The following SLC15A1 variants were observed in gnomAD, a reference collection of about 807,000 sequenced individuals.
SLC15A1 encodes Caco-2 oligopeptide transporter.
SLC15A1 carries 83 observed loss-of-function variants against 92.9 expected under a neutral mutation model. The ratio of observed to expected loss-of-function variants is 0.89; its 90% CI spans 0.75 to 1.07. SLC15A1 has a LOEUF of 1.07. Among genes scored for constraint, SLC15A1 ranks in the 50% least tolerant of loss-of-function variants. The pLI, the probability that SLC15A1 is intolerant of heterozygous loss-of-function variation, is 0.00. For missense variants in SLC15A1, 857 were observed against 880.1 expected, an observed-to-expected ratio of 0.97 and a Z score of 0.33; for synonymous variants, 322 against 318.2, an observed-to-expected ratio of 1.01 and a Z score of -0.13.
chr13:98,685,984 CAA>C (rs869045159), intron 22 of SLC15A1, among the ~76,000 whole-genome samples: 13 of 103,232 alleles, frequency 1.3e-4, no homozygotes, highest in Admixed American at 2.1e-4. Context: ...GACTCCGTCT[CAA>C]AAAAAAAAAA....
At chr13:98,718,339 A>G (rs2088228072) in intron 8 of SLC15A1, among the ~76,000 whole-genome samples, 1 of 63,178 alleles carries the variant, frequency 1.6e-5, no homozygotes, top group African/African-American at 9.0e-5. Context: ...TTTTTTTTTG[A>G]GACAGGGTCT....
chr13:98,685,772 G>A (rs933404559), intron 22 of SLC15A1, among the ~76,000 whole-genome samples: 25 of 152,256 alleles, frequency 1.6e-4, no homozygotes, highest in African/African-American at 6.0e-4. Flanking sequence ...CAGATAGCGA[G>A]GTCAAGAGAT....
intron 18 of SLC15A1, among the ~76,000 whole-genome samples, chr13:98,693,183 C>T (rs1312612471): frequency 2.7e-5 from 4 of 149,626 alleles, no homozygotes; most frequent in Non-Finnish European, 4.4e-5. Context: ...CTGCAACCTC[C>T]GCCTCCCGGG....
At chr13:98,721,420 G>C (rs765124945) in intron 7 of SLC15A1, 75 bp downstream of exon 7, 1 of 1,027,974 alleles carries the variant, frequency 9.7e-7, no homozygotes, top group East Asian at 2.5e-5. Context: ...GGGAAGAACA[G>C]AACAAAACGA....
rs1264853066 is a variant in SLC15A1, at chr13:98,723,918, A to G, written c.359T>C (p.Val120Ala). The G allele has an allele frequency of 6.2e-7, 1 of 1,614,054 alleles. No individual in the cohort carries two copies. Among genetic ancestry groups the G allele is most frequent in the South Asian group, 1.1e-5 (1 of 91,076 alleles). The change falls in exon 5 of 23, where the codon GTG (valine) becomes GCG (alanine). Residue 120 changes from valine to alanine, a missense_variant. By Grantham distance (64) the Val-to-Ala change is moderately conservative. Coordinates refer to ENST00000376503, the MANE Select transcript of SLC15A1 (RefSeq NM_005073.4). ...GCAGTGAGCACCAACTCACACGTGC[A>G]CAGGAAGGCTGTCGGGGGTGCCATC... ...NHDGTPDSLPVHVVLSLIGLA... is the reference protein window; with the variant it reads ...NHDGTPDSLPAHVVLSLIGLA...
At chr13:98,698,506 T>C (rs1210984887) in intron 18 of SLC15A1, among the ~76,000 whole-genome samples, 2 of 152,202 alleles carry the variant, frequency 1.3e-5, no homozygotes, top group Non-Finnish European at 2.9e-5. Context: ...TGGCAAAACC[T>C]TGGCTCACTG....
chr13:98,721,592 T>C lies in SLC15A1; in HGVS notation c.466-7A>G, dbSNP rs1369565818. ...ATCTGTTTCTTTGTTTCTCCTGCAA[T>C]GAAAAGGAGAAAGTAAGATGACTTT... On this transcript the variant is annotated splice_region_variant and splice_polypyrimidine_tract_variant and intron_variant, in intron 6 of 22. Coordinates refer to ENST00000376503, the MANE Select transcript of SLC15A1 (RefSeq NM_005073.4). The C allele has an allele frequency of 6.3e-7, 1 of 1,579,286 alleles. No homozygotes were observed.
chr13:98,698,499 C>A (rs1358861952), intron 18 of SLC15A1, among the ~76,000 whole-genome samples: 1 of 152,162 alleles, frequency 6.6e-6, no homozygotes, highest in Non-Finnish European at 1.5e-5. Context: ...AGTGCAGTGG[C>A]AAAACCTTGG....
chr13:98,752,006 C>T (rs1162028737), intron 1 of SLC15A1, among the ~76,000 whole-genome samples: 1 of 152,206 alleles, frequency 6.6e-6, no homozygotes, highest in African/African-American at 2.4e-5. Flanking sequence ...GTCAAGTTGC[C>T]TCCTAGCTGT....
At position 98,709,639 on chromosome 13, in the gene SLC15A1, C is replaced by T. The variant is rs770486047; in HGVS notation, c.1000G>A (p.Val334Met). 71 of 1,614,046 alleles carry T rather than the reference C, an allele frequency of 4.4e-5. No individual in the cohort carries two copies. Among genetic ancestry groups the T allele is most frequent in the Non-Finnish European group, 5.4e-5 (64 of 1,180,046 alleles). ...GCATCGAAGATCGGGACCATGATCACGATCAGGATGGCGTTCACGGTCTGC... is the reference window on the plus strand; with the variant it reads ...GCATCGAAGATCGGGACCATGATCATGATCAGGATGGCGTTCACGGTCTGC... ...QMQTVNAILI[V>M]IMVPIFDAVL... is the part of the protein sequence containing the mutation. Residue 334 changes from valine (V) to methionine (M), a missense_variant, in exon 14 of 23, where the codon GTG becomes ATG. Physicochemically the swap from Val to Met is conservative, Grantham distance 21. Coordinates refer to ENST00000376503, the MANE Select transcript of SLC15A1 (RefSeq NM_005073.4).
rs545129150 is a variant in SLC15A1, at chr13:98,696,139, C to T, written c.1466+6341G>A. 3.1e-3 allele frequency among the ~76,000 whole-genome samples: 465 copies of T among 151,730 alleles called. 2 individuals are homozygous for T. Among genetic ancestry groups the T allele is most frequent in the Admixed American group, 7.8e-3 (119 of 15,174 alleles). Reference sequence around the variant, plus strand: ...TTTTAAATGGAGCTTTGGGACTGGGCACGGTGGCTCGCAACTGTAATCCCA... The same window carrying T: ...TTTTAAATGGAGCTTTGGGACTGGGTACGGTGGCTCGCAACTGTAATCCCA... On this transcript the variant is annotated intron_variant, in intron 18 of 22. Coordinates refer to ENST00000376503, the MANE Select transcript of SLC15A1 (RefSeq NM_005073.4).
At chr13:98,723,448 A>T (rs2088275370) in intron 5 of SLC15A1, among the ~76,000 whole-genome samples, 3 of 152,372 alleles carry the variant, frequency 2.0e-5, no homozygotes, top group Middle Eastern at 3.4e-3. Context: ...GCATTTATCA[A>T]TAACACCTGC....
intron 18 of SLC15A1, among the ~76,000 whole-genome samples, chr13:98,696,211 C>T (rs148437271): frequency 0.011 from 1,677 of 148,496 alleles, 30 homozygotes; most frequent in African/African-American, 0.039. Flanking sequence ...GTCAGGAGTT[C>T]GAGACCAGCC....
In SLC15A1 at chr13:98,724,012, T is replaced by A. The variant is rs759732618; in HGVS notation, c.265A>T (p.Ile89Phe). 6.2e-7 allele frequency: 1 copy of A among 1,614,002 alleles called. No individual in the cohort carries two copies. The highest frequency in any genetic ancestry group is 8.5e-7 in the Non-Finnish European group (1 of 1,179,984). Residue 89 changes from isoleucine to phenylalanine, a missense_variant, in exon 5 of 23, where the codon ATT (isoleucine) becomes TTT (phenylalanine). Transcript: ENST00000376503. ...GKFKTIVSLS[I>F]VYTIGQAVTS... ...ACTGCTTGTCCAATTGTGTAGACAA[T>A]GGAGAGCGACACAATGGTCCTGTGT...
intron 2 of SLC15A1, 81 bp downstream of exon 2, chr13:98,726,762 A>G: frequency 7.6e-7 from 1 of 1,320,836 alleles, no homozygotes; most frequent in Non-Finnish European, 1.1e-6. Flanking sequence ...CAGATCTGTT[A>G]GGTGAATGAA....
At chr13:98,722,441 T>C (rs2088268130) in intron 5 of SLC15A1, among the ~76,000 whole-genome samples, 1 of 151,970 alleles carries the variant, frequency 6.6e-6, no homozygotes, top group Admixed American at 6.6e-5. Flanking sequence ...TAATTTACTC[T>C]TGTATTTTCT....
intron 1 of SLC15A1, 23 bp downstream of exon 1, chr13:98,752,572 G>A: frequency 1.6e-6 from 2 of 1,261,520 alleles, no homozygotes; most frequent in Admixed American, 4.1e-5. Flanking sequence ...TAGCCCGGCC[G>A]GCCCCCCACC....
rs550467527 is a variant in SLC15A1, at chr13:98,726,355, C to T, written c.103+13G>A. On this transcript the variant is annotated intron_variant, in intron 3 of 22. Transcript: ENST00000376503. The stretch of plus-strand genomic sequence containing the variant: ...CTCTTCCCTGAAGGGTGAGAAACGG[C>T]CAATACAGTTACCTCGCATTCCATA... The T allele has an allele frequency of 5.6e-6, 9 of 1,614,100 alleles. No individual in the cohort carries two copies. In the East Asian group the frequency reaches 1.8e-4, roughly 32 times the overall value.
intron 18 of SLC15A1, among the ~76,000 whole-genome samples, chr13:98,689,232 G>A (rs578182312): frequency 2.6e-5 from 4 of 152,196 alleles, no homozygotes; most frequent in South Asian, 4.2e-4. Context: ...GAGCCACTGC[G>A]CCTGGCCAGA....
Sources: gnomAD v4.1 joint callset for allele counts (sites outside exome capture counted in the v4.1 genomes callset) on GRCh38, gnomAD v4.1.1 for gene constraint, MANE v1.5 for transcripts, NCBI Gene and HGNC (gene_info 2026-07-23, HGNC 2026-07-21) for gene names.